TRDN: variants seen among roughly 807,000 people sequenced by gnomAD.
The protein encoded by TRDN is triadin, also known as triadin in skeletal muscle.
TRDN carries 161 observed loss-of-function variants against 149.7 expected under a neutral mutation model. That is an observed-to-expected ratio of 1.08 (90% CI 0.95 to 1.23). The LOEUF is 1.23. Ranked by LOEUF, TRDN falls within the 50% of genes most tolerant of loss-of-function variation. The pLI is 0.00. For synonymous variants in TRDN, 294 were observed against 250.5 expected (o/e 1.17, Z -1.64); for missense variants, 896 against 823.5 (o/e 1.09, Z -1.08).
intron 9 of TRDN, among the ~76,000 whole-genome samples, chr6:123,474,242 A>G (rs1010214590): frequency 2.0e-5 from 3 of 152,172 alleles, no homozygotes; most frequent in Non-Finnish European, 4.4e-5. Context: ...AAAAGGATGG[A>G]GGAAGATCTA....
chr6:123,236,069 A>G (rs1420072618), intron 38 of TRDN, among the ~76,000 whole-genome samples: 1 of 152,200 alleles, frequency 6.6e-6, no homozygotes, highest in African/African-American at 2.4e-5. Context: ...TTGGGTCACA[A>G]CATAAGCAAC....
At chr6:123,567,305 A>T (rs1782341970) in intron 2 of TRDN, among the ~76,000 whole-genome samples, 1 of 152,186 alleles carries the variant, frequency 6.6e-6, no homozygotes. Context: ...GCTTTCTTTG[A>T]TATCACGGGA....
chr6:123,582,512 C>A (rs937755588), intron 1 of TRDN, among the ~76,000 whole-genome samples: 1 of 133,214 alleles, frequency 7.5e-6, no homozygotes, highest in Non-Finnish European at 1.6e-5. Flanking sequence ...TGTTCTCTGG[C>A]AGGCAGGAGT....
chr6:123,472,313 G>A (rs34081659), intron 9 of TRDN, among the ~76,000 whole-genome samples: 19,459 of 152,236 alleles, frequency 0.13, 1,763 homozygotes, highest in South Asian at 0.29. Context: ...TCAAAGAAAG[G>A]GGTGACGGAC....
chr6:123,462,631 T>C (rs1776517403), intron 10 of TRDN: 1 of 152,204 alleles, frequency 6.6e-6, no homozygotes, highest in Non-Finnish European at 1.5e-5. Context: ...CCTGATATAA[T>C]TGTATTCCTC....
chr6:123,614,315 C>CA (rs1171351803), intron 1 of TRDN, among the ~76,000 whole-genome samples: 5 of 77,456 alleles, frequency 6.5e-5, no homozygotes, highest in Non-Finnish European at 1.3e-4. Context: ...AAAAAAAAAA[C>CA]AAAAAAAACC....
intron 12 of TRDN, among the ~76,000 whole-genome samples, chr6:123,395,036 T>C (rs2114466256): frequency 6.6e-6 from 1 of 152,244 alleles, no homozygotes; most frequent in South Asian, 2.1e-4. Context: ...TTTCAACAAA[T>C]GAGCACCATT....
chr6:123,547,718 A>C (rs1781185033), intron 3 of TRDN, among the ~76,000 whole-genome samples: 1 of 152,038 alleles, frequency 6.6e-6, no homozygotes, highest in African/African-American at 2.4e-5. Flanking sequence ...AAAATACTCT[A>C]ATAATAAAAG....
chr6:123,233,003 T>G (rs535103794), intron 38 of TRDN, among the ~76,000 whole-genome samples: 3 of 152,094 alleles, frequency 2.0e-5, no homozygotes, highest in East Asian at 3.9e-4. Flanking sequence ...GTGGAATCCT[T>G]AGTCATAGAT....
At chr6:123,246,364 G>T (rs570721665) in intron 38 of TRDN, among the ~76,000 whole-genome samples, 1 of 151,746 alleles carries the variant, frequency 6.6e-6, no homozygotes, top group African/African-American at 2.4e-5. Context: ...AAAGAAAGAA[G>T]AATCAAATAG....
chr6:123,378,944 A>G (rs1189756182), intron 16 of TRDN, among the ~76,000 whole-genome samples: 1 of 152,204 alleles, frequency 6.6e-6, no homozygotes, highest in African/African-American at 2.4e-5. Flanking sequence ...TACTAATTTT[A>G]TAAGAATTGC....
chr6:123,468,722 C>T (rs1776981041), intron 9 of TRDN: 1 of 152,104 alleles, frequency 6.6e-6, no homozygotes, highest in South Asian at 2.1e-4. Flanking sequence ...GATTGAAAAC[C>T]ATTTCTGAAC....
intron 9 of TRDN, among the ~76,000 whole-genome samples, chr6:123,481,447 G>A (rs1292295060): frequency 6.6e-6 from 1 of 151,214 alleles, no homozygotes; most frequent in Non-Finnish European, 1.5e-5. Flanking sequence ...TAAGTGGCAG[G>A]GACCCTCTGT....
At chr6:123,445,148 C>T (rs1336110059) in intron 10 of TRDN, 1 of 151,430 alleles carries the variant, frequency 6.6e-6, no homozygotes. Flanking sequence ...TCCATCTGGT[C>T]CTGGACTCTT....
intron 20 of TRDN, among the ~76,000 whole-genome samples, chr6:123,354,017 G>A (rs1780563062): frequency 6.6e-6 from 1 of 151,778 alleles, no homozygotes; most frequent in South Asian, 2.1e-4. Context: ...GTGGGAAGGG[G>A]TAGGCAAGTT....
At chr6:123,283,523 ACAAAAAGATGG>A (rs935829348) in intron 24 of TRDN, among the ~76,000 whole-genome samples, 4 of 151,872 alleles carry the variant, frequency 2.6e-5, no homozygotes, top group African/African-American at 9.7e-5. Context: ...GATAAATGAA[ACAAAAAGATGG>A]TTCTTTGAAA....
chr6:123,465,550 C>T (rs1386204269), intron 9 of TRDN, among the ~76,000 whole-genome samples: 1 of 139,568 alleles, frequency 7.2e-6, no homozygotes, highest in Non-Finnish European at 1.5e-5. Flanking sequence ...GAAAGCTTCT[C>T]TCAAGTCTCT....
At chr6:123,586,661 C>T (rs573807387) in intron 1 of TRDN, among the ~76,000 whole-genome samples, 1 of 152,062 alleles carries the variant, frequency 6.6e-6, no homozygotes, top group Admixed American at 6.5e-5. Context: ...AAATAAGACA[C>T]TTAGATTTTA....
intron 10 of TRDN, among the ~76,000 whole-genome samples, chr6:123,461,058 G>C (rs529339399): frequency 6.6e-6 from 1 of 152,132 alleles, no homozygotes; most frequent in African/African-American, 2.4e-5. Flanking sequence ...AAGCTATGTA[G>C]GGTTCACTCT....
Sources: gnomAD v4.1 joint callset for allele counts (sites outside exome capture counted in the v4.1 genomes callset) on GRCh38, gnomAD v4.1.1 for gene constraint, MANE v1.5 for transcripts, NCBI Gene and HGNC (gene_info 2026-07-23, HGNC 2026-07-21) for gene names.